Variants in VPS13D observed in about 807,000 individuals in gnomAD.
VPS13D encodes intermembrane lipid transfer protein VPS13D.
In VPS13D, 187 loss-of-function variants were observed where a neutral mutation model predicts 461.9. That is an observed-to-expected ratio of 0.40 (90% confidence interval 0.36 to 0.46). The LOEUF is 0.46. Among genes scored for constraint, VPS13D ranks in the 20% least tolerant of loss-of-function variants. The pLI is 0.60. For synonymous variants in VPS13D, 1,951 were observed against 1,986.3 expected (o/e 0.98, Z 0.47); for missense variants, 4,711 against 5,364.9 (o/e 0.88, Z 3.81).
Position 12,479,353 on chromosome 1 carries a change from A to G in VPS13D, c.12663-18147A>G, listed in dbSNP as rs562065765. ...TGCCTGTGCTTTGTCCATGGTGTCCAGGAAGAAATCTGTGTCTGTCACTTC... is the reference window on the plus strand; with the variant it reads ...TGCCTGTGCTTTGTCCATGGTGTCCGGGAAGAAATCTGTGTCTGTCACTTC... On this transcript the variant is annotated intron_variant, in intron 67 of 69. Coordinates refer to ENST00000620676, the MANE Select transcript of VPS13D (RefSeq NM_015378.4). Among the ~76,000 whole-genome samples the G allele has an allele frequency of 9.8e-5, 15 of 152,338 alleles. No individual in the cohort carries two copies. The East Asian group carries it at 2.9e-3, about 30-fold the overall frequency.
At chr1:12,431,531 G>A (rs1644991897) in intron 65 of VPS13D, among the ~76,000 whole-genome samples, 1 of 151,114 alleles carries the variant, frequency 6.6e-6, no homozygotes, top group African/African-American at 2.4e-5. Context: ...AAAAGTAGTA[G>A]GGTGTAAGCC....
At chr1:12,239,708 G>A (rs920994700) in intron 2 of VPS13D, among the ~76,000 whole-genome samples, 2 of 152,194 alleles carry the variant, frequency 1.3e-5, no homozygotes, top group African/African-American at 4.8e-5. Context: ...ATAACCTGGA[G>A]CAGCGGGAAG....
Position 12,277,579 on chromosome 1 carries a change from A to G in VPS13D, c.3991A>G (p.Thr1331Ala), listed in dbSNP as rs1641652049. Residue 1331 changes from threonine to alanine, a missense_variant, in exon 19 of 70, where the codon ACC (threonine) becomes GCC (alanine). This residue lies in a region of VPS13D where 4,411 missense variants were observed against 4,937.8 expected (regional missense o/e 0.89). Transcript: ENST00000620676. ...AATKVTTVLA[T>A]KTAEYSEMVS... is the part of the protein sequence containing the mutation. ...CACCAAAGTCACCACAGTACTAGCT[A>G]CCAAGACTGCCGAGTATAGCGAGAT... 6.2e-7 allele frequency: 1 copy of G among 1,613,886 alleles called. No homozygotes were observed. The highest frequency in any genetic ancestry group is 1.7e-5 in the Admixed American group (1 of 60,010).
intron 57 of VPS13D, among the ~76,000 whole-genome samples, chr1:12,381,429 C>T (rs1187592852): frequency 1.3e-5 from 2 of 152,212 alleles, no homozygotes; most frequent in Non-Finnish European, 2.9e-5. Flanking sequence ...ATCCTGTAGA[C>T]TCGATTTACT....
Position 12,314,223 on chromosome 1 carries a change from G to C in VPS13D, c.7044G>C (p.Gly2348=). 6.2e-7 allele frequency: 1 copy of C among 1,614,128 alleles called. No homozygotes were observed. Among genetic ancestry groups the C allele is most frequent in the South Asian group, 1.1e-5 (1 of 91,080 alleles). The stretch of plus-strand genomic sequence containing the variant: ...TGGCTTTTGACACCCGTTATGCTGG[G>C]CAGAAGACCAGCCCTGGCATGACGA... ...SMMAFDTRYA[G]QKTSPGMTNV... The change falls in exon 30 of 70, where the codon GGG becomes GGC. Residue 2348 remains glycine (G), a synonymous_variant. Transcript: ENST00000620676.
At chr1:12,461,231 G>A (rs1023780067) in intron 67 of VPS13D, among the ~76,000 whole-genome samples, 1 of 152,170 alleles carries the variant, frequency 6.6e-6, no homozygotes, top group African/African-American at 2.4e-5. Context: ...TTCCCTGAGT[G>A]AATTAGTACG....
At position 12,277,183 on chromosome 1, in the gene VPS13D, G is replaced by T; in HGVS notation, c.3595G>T (p.Gly1199Cys). The T allele has an allele frequency of 6.2e-7, 1 of 1,614,198 alleles. No individual in the cohort carries two copies. Among genetic ancestry groups the T allele is most frequent in the Non-Finnish European group, 8.5e-7 (1 of 1,180,030 alleles). Residue 1199 changes from glycine (G) to cysteine (C), a missense_variant, in exon 19 of 70, where the codon GGT becomes TGT. Gly to Cys is a radical substitution (Grantham distance 159). Transcript: ENST00000620676. ...YGRKIATASIGGTKVNVSMGS... is the reference protein window; with the variant it reads ...YGRKIATASICGTKVNVSMGS... ...CAGAAAAATTGCAACTGCAAGTATAGGTGGCACCAAAGTTAATGTCTCAAT... is the reference window on the plus strand; with the variant it reads ...CAGAAAAATTGCAACTGCAAGTATATGTGGCACCAAAGTTAATGTCTCAAT...
intron 13 of VPS13D, among the ~76,000 whole-genome samples, chr1:12,263,377 G>A (rs578247349): frequency 2.0e-5 from 3 of 152,190 alleles, no homozygotes; most frequent in Non-Finnish European, 4.4e-5. Context: ...GTGCATATCA[G>A]GTGGCTTGAA....
At chr1:12,416,239 A>G (rs1163339961) in intron 64 of VPS13D, among the ~76,000 whole-genome samples, 2 of 151,856 alleles carry the variant, frequency 1.3e-5, no homozygotes, top group Non-Finnish European at 1.5e-5. Flanking sequence ...CAGGCCCCCC[A>G]CCCACACCAC....
In VPS13D at chr1:12,256,365, C is replaced by T; in HGVS notation, c.702C>T (p.Ser234=). The T allele has an allele frequency of 1.9e-6, 3 of 1,614,016 alleles. No individual in the cohort carries two copies. Among genetic ancestry groups the T allele is most frequent in the Non-Finnish European group, 2.5e-6 (3 of 1,180,010 alleles). The change falls in exon 8 of 70, where the codon AGC becomes AGT. Residue 234 remains serine, a synonymous_variant. Transcript: ENST00000620676. ...TGGCCAGGAGCATGGAGAGTCGCAGCCATCACTACGTCCTGGAGCCTGTGT... is the reference window on the plus strand; with the variant it reads ...TGGCCAGGAGCATGGAGAGTCGCAGTCATCACTACGTCCTGGAGCCTGTGT... ...EAMARSMESR[S]HHYVLEPVFA...
chr1:12,271,259 T>A (rs1158375826), intron 17 of VPS13D, 135 bp downstream of exon 17: 3 of 1,132,624 alleles, frequency 2.6e-6, no homozygotes, highest in Non-Finnish European at 3.8e-6. Flanking sequence ...TATTAAATCC[T>A]TATCAGCTAG....
At chr1:12,481,700 G>C (rs1441014038) in intron 67 of VPS13D, among the ~76,000 whole-genome samples, 2 of 152,146 alleles carry the variant, frequency 1.3e-5, no homozygotes, top group Non-Finnish European at 2.9e-5. Flanking sequence ...AGTTGATTTG[G>C]TCTCTGAACC....
At chr1:12,383,772 C>T (rs949691037) in intron 58 of VPS13D, among the ~76,000 whole-genome samples, 4 of 152,182 alleles carry the variant, frequency 2.6e-5, no homozygotes, top group African/African-American at 4.8e-5. Context: ...TACCAGTGAA[C>T]GGACAAAACT....
intron 68 of VPS13D, among the ~76,000 whole-genome samples, chr1:12,498,686 C>T (rs534475322): frequency 6.6e-6 from 1 of 152,272 alleles, no homozygotes; most frequent in East Asian, 1.9e-4. Context: ...AATTTGTCTT[C>T]TCACAGTTCT....
intron 55 of VPS13D, among the ~76,000 whole-genome samples, chr1:12,375,311 T>G (rs1306424886): frequency 6.6e-6 from 1 of 152,196 alleles, no homozygotes; most frequent in African/African-American, 2.4e-5. Flanking sequence ...GTTCCCAGGC[T>G]CTCTCAGAAG....
chr1:12,348,456 C>T (rs1643724115), intron 44 of VPS13D, among the ~76,000 whole-genome samples: 1 of 152,196 alleles, frequency 6.6e-6, no homozygotes. Context: ...TAATTTCCAG[C>T]AGATACTTTC....
chr1:12,391,856 G>GT (rs968507845), intron 60 of VPS13D, among the ~76,000 whole-genome samples: 11 of 151,694 alleles, frequency 7.3e-5, no homozygotes, highest in African/African-American at 2.4e-4. Context: ...GATGTTTTGT[G>GT]TTTTTTTTAA....
chr1:12,400,415 G>T, intron 61 of VPS13D, 85 bp downstream of exon 61: 2 of 1,512,668 alleles, frequency 1.3e-6, no homozygotes, highest in Non-Finnish European at 1.8e-6. Context: ...GAGCAGCAGT[G>T]CCGGGTGCTG....
At chr1:12,406,702 C>T (rs11121904) in intron 63 of VPS13D, among the ~76,000 whole-genome samples, 3,803 of 152,288 alleles carry the variant, frequency 0.025, 169 homozygotes, top group African/African-American at 0.084. Context: ...TCCCCATTCT[C>T]TCCATTCTCT....
Sources: allele counts gnomAD v4.1 joint callset (sites outside exome capture counted in the v4.1 genomes callset), GRCh38; gene constraint gnomAD v4.1.1; regional missense constraint gnomAD v4.1.1; transcripts MANE v1.5; gene names NCBI Gene and HGNC (gene_info 2026-07-23, HGNC 2026-07-21).